The following RRP15 variants were observed in gnomAD, a reference collection of about 807,000 sequenced individuals.
RRP15 encodes the protein RRP15-like protein.
Under a neutral mutation model 27.1 loss-of-function variants are expected in RRP15, and 18 were observed. That is an observed-to-expected ratio of 0.66 (90% CI 0.46 to 0.98). The LOEUF (loss-of-function observed/expected upper bound fraction) is 0.98, where lower values mean the gene tolerates loss of function less well. Ranked by LOEUF, RRP15 falls within the 50% of genes least tolerant of loss-of-function variation. The pLI, the probability that RRP15 is intolerant of heterozygous loss-of-function variation, is 0.00. For synonymous variants in RRP15, 107 were observed against 109.4 expected (o/e 0.98, Z 0.14); for missense variants, 359 against 337.8 (o/e 1.06, Z -0.49).
intron 4 of RRP15, among the ~76,000 whole-genome samples, chr1:218,320,511 T>A (rs1032302864): frequency 1.3e-5 from 2 of 152,132 alleles, no homozygotes; most frequent in African/African-American, 4.8e-5. Context: ...TACTTAGAGT[T>A]CTTAAGATAA....
At chr1:218,318,700 C>A (rs1422575708) in intron 4 of RRP15, among the ~76,000 whole-genome samples, 3 of 151,848 alleles carry the variant, frequency 2.0e-5, no homozygotes, top group Non-Finnish European at 4.4e-5. Context: ...ATGTTTCGTG[C>A]TAGTGATGCC....
At chr1:218,294,602 T>A (rs907840432) in intron 1 of RRP15, among the ~76,000 whole-genome samples, 2 of 152,168 alleles carry the variant, frequency 1.3e-5, no homozygotes, top group Admixed American at 1.3e-4. Context: ...TGTGCCGTCC[T>A]GCAGGAACCT....
At chr1:218,307,409 C>T in intron 3 of RRP15, 22 bp from the exon 4 acceptor site, 1 of 1,588,468 alleles carries the variant, frequency 6.3e-7, no homozygotes, top group Non-Finnish European at 8.6e-7. Context: ...ATACATCATT[C>T]TGGTCATTTT....
intron 1 of RRP15, among the ~76,000 whole-genome samples, chr1:218,297,038 G>A (rs1343142270): frequency 6.6e-6 from 1 of 152,124 alleles, no homozygotes; most frequent in Non-Finnish European, 1.5e-5. Flanking sequence ...TCTGTGCTAA[G>A]CGCTTTTCAT....
intron 1 of RRP15, among the ~76,000 whole-genome samples, chr1:218,300,893 G>T (rs1373564702): frequency 6.6e-6 from 1 of 152,172 alleles, no homozygotes; most frequent in Non-Finnish European, 1.5e-5. Context: ...GCATTTAAGT[G>T]AAGGTTCTGA....
chr1:218,306,860 A>T (rs560939462), intron 3 of RRP15, among the ~76,000 whole-genome samples: 1 of 152,288 alleles, frequency 6.6e-6, no homozygotes, highest in Admixed American at 6.5e-5. Context: ...TTTCATACTG[A>T]GTCTTTGAAA....
chr1:218,309,567 C>A lies in RRP15; in HGVS notation c.705+1935C>A, dbSNP rs138228153. Among the ~76,000 whole-genome samples the A allele has an allele frequency of 7.3e-3, 1,097 of 150,390 alleles. 20 individuals carry two copies. Among genetic ancestry groups the A allele is most frequent in the African/African-American group, 0.025 (1,027 of 40,856 alleles). ...GCATGGTGGCACCCACCTGTAATCCCAGCTAATCAGGAGGCTGAGGTGGGA... is the reference window on the plus strand; with the variant it reads ...GCATGGTGGCACCCACCTGTAATCCAAGCTAATCAGGAGGCTGAGGTGGGA... On this transcript the variant is annotated intron_variant, in intron 4 of 4. Transcript: ENST00000366932.
intron 4 of RRP15, among the ~76,000 whole-genome samples, chr1:218,324,284 T>G (rs78258964): frequency 0.03 from 4,491 of 152,186 alleles, 89 homozygotes; most frequent in East Asian, 0.073. Context: ...CCCGCACAAA[T>G]GAACCCGACG....
At chr1:218,299,289 C>A (rs986394611) in intron 1 of RRP15, among the ~76,000 whole-genome samples, 8 of 151,984 alleles carry the variant, frequency 5.3e-5, no homozygotes, top group Non-Finnish European at 8.8e-5. Flanking sequence ...AAAATAAAAC[C>A]ATGACTTAAG....
rs1354247139 is a variant in RRP15 at position 218,331,193 on chromosome 1, C to G, written c.*102C>G. On this transcript the variant is annotated 3_prime_UTR_variant, in exon 5 of 5. Transcript: ENST00000366932. ...ATAAGGATACCATTTGTAAGAAAGCCAAAAGACTTTTGCCAGATTTCATAT... is the reference window on the plus strand; with the variant it reads ...ATAAGGATACCATTTGTAAGAAAGCGAAAAGACTTTTGCCAGATTTCATAT... 8.8e-7 allele frequency: 1 copy of G among 1,132,170 alleles called. No homozygotes were observed. The highest frequency in any genetic ancestry group is 3.0e-5 in the Admixed American group (1 of 33,888). The allele number at this position is 1,132,170 out of a possible 1,614,324, so 70.1% of individuals were successfully genotyped here. A position where few individuals can be genotyped will look rare whatever the true frequency, so the allele number is the denominator to read the frequency against.
chr1:218,319,277 C>G (rs993928287), intron 4 of RRP15, among the ~76,000 whole-genome samples: 1 of 152,080 alleles, frequency 6.6e-6, no homozygotes, highest in Admixed American at 6.6e-5. Context: ...GTTGGCCAGG[C>G]TAGTCTCAAA....
At chr1:218,297,013 T>C (rs974878821) in intron 1 of RRP15, among the ~76,000 whole-genome samples, 1 of 152,210 alleles carries the variant, frequency 6.6e-6, no homozygotes, top group Non-Finnish European at 1.5e-5. Context: ...ATTTAGTGCC[T>C]ACTATTGTGC....
At chr1:218,325,871 A>G (rs529357640) in intron 4 of RRP15, among the ~76,000 whole-genome samples, 1 of 151,436 alleles carries the variant, frequency 6.6e-6, no homozygotes, top group African/African-American at 2.4e-5. Flanking sequence ...TCCATTTTTC[A>G]TCTCTTTTCT....
rs1181294135 is a variant in RRP15, at chr1:218,307,584, A to C, written c.657A>C (p.Gly219=). ...TCAGTGTTTTGAGAGGGATGGATGG[A>C]AGTACAAATGAGACTGCTTCAAGCA... ...DFISVLRGMD[G]STNETASSRK... The change falls in exon 4 of 5, where the codon GGA becomes GGC. Residue 219 remains glycine (G), a synonymous_variant. Coordinates refer to ENST00000366932, the MANE Select transcript of RRP15 (RefSeq NM_016052.4). 2 of 1,614,028 alleles carry C rather than the reference A, an allele frequency of 1.2e-6. No homozygotes were observed. Among genetic ancestry groups the C allele is most frequent in the Middle Eastern group, 1.7e-4 (1 of 6,060 alleles).
intron 4 of RRP15, among the ~76,000 whole-genome samples, chr1:218,327,007 G>A (rs1400909721): frequency 6.6e-6 from 1 of 152,212 alleles, no homozygotes; most frequent in Non-Finnish European, 1.5e-5. Flanking sequence ...AATAGGGTTG[G>A]TTTTGTCAGT....
At chr1:218,312,806 G>A (rs753473347) in intron 4 of RRP15, among the ~76,000 whole-genome samples, 2 of 152,150 alleles carry the variant, frequency 1.3e-5, no homozygotes, top group African/African-American at 4.8e-5. Context: ...AGTAAACATG[G>A]TAAGGGGGAA....
chr1:218,321,832 T>G (rs904406509), intron 4 of RRP15, among the ~76,000 whole-genome samples: 1 of 152,078 alleles, frequency 6.6e-6, no homozygotes, highest in Non-Finnish European at 1.5e-5. Context: ...CTCAGGCTTT[T>G]TTTTTTCTTT....
chr1:218,307,956 G>A (rs1331365165), intron 4 of RRP15, among the ~76,000 whole-genome samples: 3 of 151,586 alleles, frequency 2.0e-5, no homozygotes, highest in South Asian at 2.1e-4. Flanking sequence ...CTTGCATTGA[G>A]GCATCTTTAG....
At chr1:218,287,304 A>G (rs898410131) in intron 1 of RRP15, among the ~76,000 whole-genome samples, 4 of 152,084 alleles carry the variant, frequency 2.6e-5, no homozygotes, top group Non-Finnish European at 5.9e-5. Context: ...CTATTCAAAT[A>G]CTGGATAATT....
Sources: gnomAD v4.1 joint callset for allele counts (sites outside exome capture counted in the v4.1 genomes callset) on GRCh38, gnomAD v4.1.1 for gene constraint, MANE v1.5 for transcripts, NCBI Gene and HGNC (gene_info 2026-07-23, HGNC 2026-07-21) for gene names.